The following HTR7 variants were observed in gnomAD, a reference collection of about 807,000 sequenced individuals.
HTR7 encodes the protein 5-hydroxytryptamine receptor 7, also known as 5-HT-7.
Under a neutral mutation model 34.0 loss-of-function variants are expected in HTR7, and 16 were observed. That is an observed-to-expected ratio of 0.47 (90% confidence interval 0.32 to 0.71). HTR7 has a LOEUF of 0.71. Ranked by LOEUF, HTR7 falls within the 30% of genes least tolerant of loss-of-function variation. The pLI is 0.04. For missense variants in HTR7, 504 were observed against 625.5 expected (o/e 0.81, Z 2.07); for synonymous variants, 265 against 260.2 (o/e 1.02, Z -0.18).
chr10:90,851,233 G>A (rs939557846), intron 1 of HTR7, among the ~76,000 whole-genome samples: 29 of 152,242 alleles, frequency 1.9e-4, no homozygotes, highest in African/African-American at 7.0e-4. Flanking sequence ...GCAGTCAGAA[G>A]ACAATGGAAC....
intron 1 of HTR7, among the ~76,000 whole-genome samples, chr10:90,843,858 T>C (rs1016507429): frequency 1.3e-5 from 2 of 152,258 alleles, no homozygotes; most frequent in African/African-American, 4.8e-5. Context: ...ATGGTCTTTG[T>C]ATTTTTAAGT....
chr10:90,806,426 G>A (rs972809285), intron 1 of HTR7, among the ~76,000 whole-genome samples: 4 of 151,878 alleles, frequency 2.6e-5, no homozygotes, highest in South Asian at 2.1e-4. Context: ...GTGAAACCCC[G>A]TCTCTACTAA....
intron 1 of HTR7, among the ~76,000 whole-genome samples, chr10:90,758,756 A>G (rs888569626): frequency 3.3e-5 from 5 of 152,180 alleles, no homozygotes; most frequent in African/African-American, 1.2e-4. Flanking sequence ...CAAGACATGG[A>G]AAGACCACTG....
At chr10:90,778,509 C>T (rs1179412051) in intron 1 of HTR7, among the ~76,000 whole-genome samples, 1 of 152,166 alleles carries the variant, frequency 6.6e-6, no homozygotes, top group African/African-American at 2.4e-5. Flanking sequence ...GACTTCTCAG[C>T]CTCCATAATT....
rs117458340 is a variant in HTR7, at chr10:90,853,875, T to A, written c.539+3258A>T. On this transcript the variant is annotated intron_variant, in intron 1 of 3. Transcript: ENST00000336152. ...GAACCAGGAAAGCCAATTAGAATAT[T>A]GCAGTAAACCTGATGAGCATCAAAG... is the stretch of plus-strand genomic sequence containing the variant. 1.8e-3 allele frequency among the ~76,000 whole-genome samples: 273 copies of A among 152,308 alleles called. 7 individuals carry two copies. The East Asian group carries it at 0.042, about 23-fold the overall frequency.
chr10:90,824,270 G>C (rs925086514), intron 1 of HTR7, among the ~76,000 whole-genome samples: 1 of 152,236 alleles, frequency 6.6e-6, no homozygotes, highest in Non-Finnish European at 1.5e-5. Flanking sequence ...CACACATTGG[G>C]TCAGAAGGGA....
intron 1 of HTR7, among the ~76,000 whole-genome samples, chr10:90,841,049 C>T (rs1041906197): frequency 6.6e-6 from 1 of 152,204 alleles, no homozygotes; most frequent in African/African-American, 2.4e-5. Context: ...TCTAAGAGCA[C>T]AGACCATGAA....
chr10:90,832,094 A>C (rs1465784810), intron 1 of HTR7, among the ~76,000 whole-genome samples: 1 of 152,244 alleles, frequency 6.6e-6, no homozygotes, highest in Non-Finnish European at 1.5e-5. Flanking sequence ...CATCAGACTC[A>C]GGAGCCCAGC....
At chr10:90,800,858 A>G (rs549686302) in intron 1 of HTR7, among the ~76,000 whole-genome samples, 10 of 152,338 alleles carry the variant, frequency 6.6e-5, no homozygotes, top group African/African-American at 2.2e-4. Flanking sequence ...GGGTGGCTCA[A>G]TAAAGCTCCA....
intron 1 of HTR7, among the ~76,000 whole-genome samples, chr10:90,751,443 G>A (rs1408087669): frequency 6.6e-6 from 1 of 152,110 alleles, no homozygotes; most frequent in Non-Finnish European, 1.5e-5. Context: ...TTGATTTCTC[G>A]TCTTTCTTTG....
intron 1 of HTR7, among the ~76,000 whole-genome samples, chr10:90,796,954 G>A (rs927475502): frequency 1.3e-5 from 2 of 151,588 alleles, no homozygotes; most frequent in Admixed American, 6.6e-5. Context: ...GGAGCTTGCA[G>A]TGAGCCGAGA....
chr10:90,792,584 G>A (rs17455083), intron 1 of HTR7, among the ~76,000 whole-genome samples: 3,702 of 151,908 alleles, frequency 0.024, 72 homozygotes, highest in Middle Eastern at 0.075. Flanking sequence ...AACTAACTAC[G>A]GCTTGACTTA....
intron 1 of HTR7, among the ~76,000 whole-genome samples, chr10:90,829,714 G>GA (rs1311091896): frequency 6.6e-6 from 1 of 152,106 alleles, no homozygotes; most frequent in African/African-American, 2.4e-5. Flanking sequence ...CTTACATTTG[G>GA]AAAAACCTGA....
rs1473642377 is a variant in HTR7, at chr10:90,851,864, T to C, written c.539+5269A>G. On this transcript the variant is annotated intron_variant, in intron 1 of 3. Coordinates refer to ENST00000336152, the MANE Select transcript of HTR7 (RefSeq NM_019859.4). ...TCACAAGATCTGATGGTTTTATAAATGGGAGTTCCCGTGCACAAGCTCTCT... is the reference window on the plus strand; with the variant it reads ...TCACAAGATCTGATGGTTTTATAAACGGGAGTTCCCGTGCACAAGCTCTCT... Among the ~76,000 whole-genome samples, 7 of 152,186 alleles carry C rather than the reference T, an allele frequency of 4.6e-5. No homozygotes were observed. In the South Asian group the frequency reaches 1.2e-3, roughly 27 times the overall value.
chr10:90,773,972 G>A (rs7086484), intron 1 of HTR7, among the ~76,000 whole-genome samples: 45,864 of 151,040 alleles, frequency 0.3, 7,225 homozygotes, highest in African/African-American at 0.38. Flanking sequence ...TTTTTTTTCC[G>A]ATCTGCCAAC....
At chr10:90,797,045 C>A (rs567198360) in intron 1 of HTR7, among the ~76,000 whole-genome samples, 2 of 151,658 alleles carry the variant, frequency 1.3e-5, no homozygotes, top group African/African-American at 4.8e-5. Flanking sequence ...TTTTAATCTT[C>A]TCCTGATGAT....
chr10:90,755,694 T>C (rs562608208), intron 1 of HTR7, among the ~76,000 whole-genome samples: 1 of 152,350 alleles, frequency 6.6e-6, no homozygotes, highest in African/African-American at 2.4e-5. Context: ...TGGTTAAAAT[T>C]AATGATGATG....
At chr10:90,814,421 G>A (rs1045961019) in intron 1 of HTR7, among the ~76,000 whole-genome samples, 3 of 152,196 alleles carry the variant, frequency 2.0e-5, no homozygotes, top group Non-Finnish European at 4.4e-5. Context: ...AGAACAACAC[G>A]AGAAGCCGTA....
At chr10:90,768,602 C>T (rs1018184904) in intron 1 of HTR7, among the ~76,000 whole-genome samples, 1 of 152,104 alleles carries the variant, frequency 6.6e-6, no homozygotes, top group Non-Finnish European at 1.5e-5. Context: ...GCTTTTTTCA[C>T]TTAATATATC....
Sources: gnomAD v4.1 joint callset for allele counts (sites outside exome capture counted in the v4.1 genomes callset) on GRCh38, gnomAD v4.1.1 for gene constraint, MANE v1.5 for transcripts, NCBI Gene and HGNC (gene_info 2026-07-23, HGNC 2026-07-21) for gene names.